The following ZNF587 variants were observed in gnomAD, a reference collection of about 807,000 sequenced individuals.
The protein encoded by ZNF587 is zinc finger protein 587.
In ZNF587, 8 loss-of-function variants were observed where a neutral mutation model predicts 7.5. The observed-to-expected ratio is 1.06, with a 90% confidence interval of 0.62 to 1.92. The LOEUF (loss-of-function observed/expected upper bound fraction) is 1.92, where lower values mean the gene tolerates loss of function less well. ZNF587 is among the 40% of genes most tolerant of loss of function. The pLI is 0.00. For synonymous variants in ZNF587, 145 were observed against 237.8 expected (o/e 0.61, Z 3.59); for missense variants, 468 against 692.8 (o/e 0.68, Z 3.64).
chr19:57,850,877 T>C (rs1355632396), intron 1 of ZNF587: 1 of 257,618 alleles, frequency 3.9e-6, no homozygotes, highest in Non-Finnish European at 7.3e-6. Flanking sequence ...GCCGTTTCTG[T>C]GAATTTCCTT....
At chr19:57,850,954 CA>C (rs1293597895) in intron 1 of ZNF587, 1 of 161,424 alleles carries the variant, frequency 6.2e-6, no homozygotes, top group Non-Finnish European at 1.3e-5. Context: ...CTGCGGGTTT[CA>C]GGAGGAGCCA....
chr19:57,850,543 G>C (rs2071268780), intron 1 of ZNF587: 1 of 449,670 alleles, frequency 2.2e-6, no homozygotes, highest in Non-Finnish European at 3.9e-6. Flanking sequence ...GTTGTCCGCT[G>C]ATCCATCCAG....
chr19:57,855,561 T>G (rs1374183169), intron 1 of ZNF587, among the ~76,000 whole-genome samples: 2 of 147,276 alleles, frequency 1.4e-5, no homozygotes, highest in African/African-American at 2.6e-5. Flanking sequence ...TGTGGGCTTT[T>G]TTTGTTTTTT....
intron 1 of ZNF587, 111 bp from the exon 2 acceptor site, chr19:57,855,993 T>A: frequency 1.3e-6 from 2 of 1,535,992 alleles, no homozygotes; most frequent in Non-Finnish European, 1.7e-6. Context: ...TGGTTTCAAC[T>A]CCGTGTTGGG....
chr19:57,863,466 G>A lies in ZNF587; in HGVS notation c.*3326G>A, dbSNP rs983999953. On this transcript the variant is annotated 3_prime_UTR_variant, in exon 3 of 3. Coordinates refer to ENST00000339656, the MANE Select transcript of ZNF587 (RefSeq NM_032828.4). The stretch of plus-strand genomic sequence containing the variant: ...GGGTTTTACTGTATTTGCCAGGATG[G>A]TCTCGATCTCCAGACCTCGTGATCC... 1.3e-5 allele frequency: 2 copies of A among 152,130 alleles called. No homozygotes were observed. Among genetic ancestry groups the A allele is most frequent in the East Asian group, 2.0e-4 (1 of 5,108 alleles). 9.4% of individuals were successfully genotyped at this position (152,130 alleles called of 1,614,324 possible). A position where few individuals can be genotyped will look rare whatever the true frequency, so the allele number is the denominator to read the frequency against.
At chr19:57,857,973 A>G (rs1454555179) in intron 2 of ZNF587, among the ~76,000 whole-genome samples, 2 of 151,046 alleles carry the variant, frequency 1.3e-5, no homozygotes, top group Non-Finnish European at 2.9e-5. Context: ...TCATCAGGAG[A>G]TAAGGTCCTG....
chr19:57,850,352 G>C, intron 1 of ZNF587: 1 of 613,504 alleles, frequency 1.6e-6, no homozygotes. Flanking sequence ...ATTCAAATCA[G>C]TCTCCCTGAG....
intron 2 of ZNF587, 141 bp from the exon 3 acceptor site, chr19:57,858,435 C>A: frequency 3.4e-6 from 5 of 1,458,876 alleles, no homozygotes; most frequent in Non-Finnish European, 4.5e-6. Flanking sequence ...CCAGCAGCCC[C>A]ATCTTCAACT....
chr19:57,850,187 G>A (rs1358127756), intron 1 of ZNF587, 116 bp downstream of exon 1: 11 of 1,592,148 alleles, frequency 6.9e-6, no homozygotes, highest in Non-Finnish European at 7.7e-6. Flanking sequence ...TAGGAACACT[G>A]AGGCGCTCAC....
In ZNF587 at chr19:57,864,499, A is replaced by G. The variant is rs981547739; in HGVS notation, c.*4359A>G. 2.6e-5 allele frequency: 4 copies of G among 152,150 alleles called. No homozygotes were observed. Among genetic ancestry groups the G allele is most frequent in the South Asian group, 2.1e-4 (1 of 4,818 alleles). 9.4% of individuals were successfully genotyped at this position (152,150 alleles called of 1,614,324 possible). On this transcript the variant is annotated 3_prime_UTR_variant, in exon 3 of 3. Coordinates refer to ENST00000339656, the MANE Select transcript of ZNF587 (RefSeq NM_032828.4). The stretch of plus-strand genomic sequence containing the variant: ...AAGGCATGGCACTTGAGAAATGTGA[A>G]TAAGATTGTAAGTTACAAATAGCAA...
At chr19:57,857,836 A>G (rs1249750593) in intron 2 of ZNF587, among the ~76,000 whole-genome samples, 2 of 151,746 alleles carry the variant, frequency 1.3e-5, no homozygotes, top group Non-Finnish European at 2.9e-5. Flanking sequence ...GGGTTTCACT[A>G]TATTAGCCAG....
chr19:57,853,070 C>G (rs1024905438), intron 1 of ZNF587, among the ~76,000 whole-genome samples: 1 of 151,954 alleles, frequency 6.6e-6, no homozygotes, highest in Non-Finnish European at 1.5e-5. Context: ...CCAGGCTAGT[C>G]TCAAACTCCT....
Position 57,863,846 on chromosome 19 carries a change from C to G in ZNF587, c.*3706C>G, listed in dbSNP as rs2071469496. On this transcript the variant is annotated 3_prime_UTR_variant, in exon 3 of 3. Coordinates refer to ENST00000339656, the MANE Select transcript of ZNF587 (RefSeq NM_032828.4). The stretch of plus-strand genomic sequence containing the variant: ...GATCACAAGGTCAGGAGTTCAAGAC[C>G]ACCCTGGCCAATATTGTGAATTCCT... The G allele has an allele frequency of 6.6e-6, 1 of 151,310 alleles. No homozygotes were observed. Among genetic ancestry groups the G allele is most frequent in the South Asian group, 2.1e-4 (1 of 4,784 alleles). The allele number at this position is 151,310 out of a possible 1,614,324, so 9.4% of individuals were successfully genotyped here.
Position 57,860,435 on chromosome 19 carries a change from A to T in ZNF587, c.*295A>T, listed in dbSNP as rs1382651804. On this transcript the variant is annotated 3_prime_UTR_variant, in exon 3 of 3. Coordinates refer to ENST00000339656, the MANE Select transcript of ZNF587 (RefSeq NM_032828.4). ...GAGTACACACCACCACGCCCAGCTA[A>T]TTTTTGTGTTTTTAGTGGAGATGGG... 1 of 446,948 alleles carries T rather than the reference A, an allele frequency of 2.2e-6. No homozygotes were observed. The allele number at this position is 446,948 out of a possible 1,614,324, so 27.7% of individuals were successfully genotyped here.
chr19:57,857,651 TGA>T (rs113356324), intron 2 of ZNF587, among the ~76,000 whole-genome samples: 8 of 151,906 alleles, frequency 5.3e-5, no homozygotes, highest in Admixed American at 2.0e-4. Context: ...TGTATATTTT[TGA>T]GAGAGAGTTT....
Position 57,864,565 on chromosome 19 carries a change from C to A in ZNF587, c.*4425C>A, listed in dbSNP as rs2071481809. On this transcript the variant is annotated 3_prime_UTR_variant, in exon 3 of 3. Coordinates refer to ENST00000339656, the MANE Select transcript of ZNF587 (RefSeq NM_032828.4). Reference sequence around the variant, plus strand: ...TAACAGTCTCAGCCCCTAAATGTCACCTTGTATTACAGCATGTTATATAAG... The same window carrying A: ...TAACAGTCTCAGCCCCTAAATGTCAACTTGTATTACAGCATGTTATATAAG... The A allele has an allele frequency of 6.6e-6, 1 of 152,010 alleles. No homozygotes were observed. The highest frequency in any genetic ancestry group is 1.5e-5 in the Non-Finnish European group (1 of 68,012). 9.4% of individuals were successfully genotyped at this position (152,010 alleles called of 1,614,324 possible). A position where few individuals can be genotyped will look rare whatever the true frequency, so the allele number is the denominator to read the frequency against.
intron 2 of ZNF587, among the ~76,000 whole-genome samples, chr19:57,857,952 G>A (rs1357254405): frequency 2.7e-5 from 4 of 150,364 alleles, no homozygotes; most frequent in Non-Finnish European, 5.9e-5. Flanking sequence ...CTTCTATATA[G>A]CACTCACATG....
In ZNF587 at chr19:57,864,795, C is replaced by T. The variant is rs1488265706; in HGVS notation, c.*4655C>T. 6.6e-6 allele frequency: 1 copy of T among 151,766 alleles called. No homozygotes were observed. The highest frequency in any genetic ancestry group is 1.5e-5 in the Non-Finnish European group (1 of 68,002). The allele number at this position is 151,766 out of a possible 1,614,324, so 9.4% of individuals were successfully genotyped here. A position where few individuals can be genotyped will look rare whatever the true frequency, so the allele number is the denominator to read the frequency against. ...TTGTGGTGTAAATTTTTTTTTATTA[C>T]ACCAAATTATGTTCACACAAAACCT... On this transcript the variant is annotated 3_prime_UTR_variant, in exon 3 of 3. Coordinates refer to ENST00000339656, the MANE Select transcript of ZNF587 (RefSeq NM_032828.4).
rs1335354290 is a variant in ZNF587, at chr19:57,849,926, C to G, written c.-113C>G. On this transcript the variant is annotated 5_prime_UTR_variant, in exon 1 of 3. Coordinates refer to ENST00000339656, the MANE Select transcript of ZNF587 (RefSeq NM_032828.4). ...GTGGCCCCTGAGTGCTGGGTGGGAC[C>G]GCGGTGACTGAACCTAGAAGGTGGA... is the stretch of plus-strand genomic sequence containing the variant. 66 of 1,597,820 alleles carry G rather than the reference C, an allele frequency of 4.1e-5. No homozygotes were observed. Among genetic ancestry groups the G allele is most frequent in the Non-Finnish European group, 5.5e-5 (65 of 1,171,644 alleles).
Sources: allele counts gnomAD v4.1 joint callset (sites outside exome capture counted in the v4.1 genomes callset), GRCh38; gene constraint gnomAD v4.1.1; transcripts MANE v1.5; gene names NCBI Gene and HGNC (gene_info 2026-07-23, HGNC 2026-07-21).